Variants in CCDC33 observed in about 807,000 individuals in gnomAD.
The protein encoded by CCDC33 is coiled-coil domain-containing protein 33.
A neutral mutation model predicts 91.9 loss-of-function variants in CCDC33; 94 were observed. The ratio of observed to expected loss-of-function variants is 1.02; its 90% CI spans 0.87 to 1.21. The LOEUF (loss-of-function observed/expected upper bound fraction) is 1.21. Among genes scored for constraint, CCDC33 ranks in the 50% most tolerant of loss-of-function variants. The probability of loss-of-function intolerance (pLI) is 0.00; values close to 1 mark genes in which losing one functional copy is unlikely to be tolerated. For missense variants in CCDC33, 940 were observed against 935.5 expected, an observed-to-expected ratio of 1.00 and a Z score of -0.06; for synonymous variants, 396 against 374.5, an observed-to-expected ratio of 1.06 and a Z score of -0.66.
chr15:74,324,525 T>C (rs1301261141), intron 11 of CCDC33, among the ~76,000 whole-genome samples: 1 of 151,984 alleles, frequency 6.6e-6, no homozygotes, highest in Non-Finnish European at 1.5e-5. Context: ...GCCAGCCTGC[T>C]CTCGCCGCTT....
At chr15:74,330,882 T>C in intron 13 of CCDC33, 99 bp from the exon 14 acceptor site, 1 of 1,515,296 alleles carries the variant, frequency 6.6e-7, no homozygotes, top group East Asian at 2.3e-5. Context: ...GGGACCAGCC[T>C]GGTGGAGGAT....
rs756903419 is a variant in CCDC33, at chr15:74,266,752, C to T, written c.394C>T (p.Arg132Cys). The stretch of plus-strand genomic sequence containing the variant: ...CTACAAAATCCCCATCAAGTACCTG[C>T]GTGTCTTCCACCCCTACCACTTTGA... ...LSYKIPIKYL[R>C]VFHPYHFELV... Residue 132 changes from arginine to cysteine, a missense_variant, in exon 4 of 19, where the codon CGT becomes TGT. By Grantham distance (180) the Arg-to-Cys change is radical. Transcript: ENST00000398814. 6.8e-6 allele frequency: 11 copies of T among 1,613,968 alleles called. No individual in the cohort carries two copies. Among genetic ancestry groups the T allele is most frequent in the South Asian group, 3.3e-5 (3 of 91,088 alleles).
chr15:74,279,974 T>TG lies in CCDC33; in HGVS notation c.776dup (p.Pro260ThrfsTer91). The TG allele has an allele frequency of 6.2e-7, 1 of 1,614,012 alleles. No homozygotes were observed. Among genetic ancestry groups the TG allele is most frequent in the African/African-American group, 1.3e-5 (1 of 75,054 alleles). Reference sequence around the variant, plus strand: ...CCCTCTCCCTCCAGCTGTCCAAGCCTGGGGGACCCCCAGAGCAGCCCCTGT... The same window carrying TG: ...CCCTCTCCCTCCAGCTGTCCAAGCCTGGGGGGACCCCCAGAGCAGCCCCTGT... On this transcript the variant is annotated frameshift_variant, in exon 8 of 19. Transcript: ENST00000398814. LOFTEE classifies it high-confidence loss of function.
chr15:74,323,734 A>T (rs1451048796), intron 11 of CCDC33, among the ~76,000 whole-genome samples: 1 of 151,384 alleles, frequency 6.6e-6, no homozygotes, highest in Non-Finnish European at 1.5e-5. Flanking sequence ...TCACCATGTT[A>T]GTCAGGCTGG....
At chr15:74,208,881 C>T (rs750414148) in intron 1 of CCDC33, 1 of 989,646 alleles carries the variant, frequency 1.0e-6, no homozygotes, top group African/African-American at 1.7e-5. Context: ...ACTTGTCCCT[C>T]CAGGCAAGCA....
In CCDC33 at chr15:74,280,740, A is replaced by T. The variant is rs1045831800; in HGVS notation, c.962A>T (p.Tyr321Phe). The T allele has an allele frequency of 6.3e-7, 1 of 1,578,786 alleles. No homozygotes were observed. Residue 321 changes from tyrosine (Y) to phenylalanine (F), a missense_variant, in exon 9 of 19, where the codon TAC becomes TTC. Coordinates refer to ENST00000398814, the MANE Select transcript of CCDC33 (RefSeq NM_025055.5). Reference protein sequence around the residue: ...ISVLPLKSRLYQKMLTGKGLD... With the variant: ...ISVLPLKSRLFQKMLTGKGLD... Reference sequence around the variant, plus strand: ...GTGTTGCCGCTAAAGAGCCGTTTGTACCAGAAGATGCTGACAGGGAAAGGC... The same window carrying T: ...GTGTTGCCGCTAAAGAGCCGTTTGTTCCAGAAGATGCTGACAGGGAAAGGC...
intron 2 of CCDC33, among the ~76,000 whole-genome samples, chr15:74,224,886 A>G (rs867066114): frequency 3.4e-4 from 51 of 152,168 alleles, no homozygotes; most frequent in Admixed American, 7.2e-4. Flanking sequence ...CTTCTTGCCC[A>G]GCCAGTCTCC....
downstream of CCDC33, chr15:74,336,418 T>C: frequency 7.7e-7 from 1 of 1,304,960 alleles, no homozygotes; most frequent in Non-Finnish European, 1.0e-6. Flanking sequence ...CGAGGGAGGC[T>C]TGTCCTTTTC....
intron 7 of CCDC33, among the ~76,000 whole-genome samples, chr15:74,278,876 A>T (rs1021078470): frequency 1.3e-5 from 2 of 152,208 alleles, no homozygotes; most frequent in African/African-American, 4.8e-5. Context: ...CTAGGGTGCC[A>T]TCAAGTCCCC....
chr15:74,270,989 A>C (rs2076300047), intron 5 of CCDC33, among the ~76,000 whole-genome samples: 1 of 152,108 alleles, frequency 6.6e-6, no homozygotes, highest in Non-Finnish European at 1.5e-5. Context: ...CGGTCAGGGG[A>C]GTGACAACCG....
chr15:74,297,040 C>A (rs1257207728), intron 11 of CCDC33, among the ~76,000 whole-genome samples: 5 of 152,230 alleles, frequency 3.3e-5, no homozygotes, highest in African/African-American at 1.2e-4. Context: ...GCCTCCTCAT[C>A]TTCCCCTGGC....
At chr15:74,206,664 T>G (rs977194617) in intron 1 of CCDC33, among the ~76,000 whole-genome samples, 19 of 152,114 alleles carry the variant, frequency 1.2e-4, no homozygotes, top group African/African-American at 4.3e-4. Context: ...GGAGATGGCT[T>G]GGGCAGTCTT....
intron 11 of CCDC33, among the ~76,000 whole-genome samples, chr15:74,325,544 C>G (rs554716372): frequency 1.3e-5 from 2 of 152,100 alleles, no homozygotes; most frequent in South Asian, 4.2e-4. Context: ...GAGACCATCA[C>G]AAGCAGGGAC....
intron 11 of CCDC33, among the ~76,000 whole-genome samples, chr15:74,326,654 A>G (rs2060315906): frequency 6.6e-6 from 1 of 152,224 alleles, no homozygotes; most frequent in African/African-American, 2.4e-5. Context: ...CGCAGTGTCA[A>G]TGGGTGAGGA....
rs150325847 is a variant in CCDC33 at position 74,249,465 on chromosome 15, G to A, written c.185+5317G>A. Among the ~76,000 whole-genome samples the A allele has an allele frequency of 2.5e-4, 38 of 151,556 alleles. No individual in the cohort carries two copies. The East Asian group carries it at 7.2e-3, about 29-fold the overall frequency. Reference sequence around the variant, plus strand: ...ATCAAGCAACTGCACTCCAGCCTGGGTGACAGAGCGAGGCTCCGTCTAAAA... The same window carrying A: ...ATCAAGCAACTGCACTCCAGCCTGGATGACAGAGCGAGGCTCCGTCTAAAA... On this transcript the variant is annotated intron_variant, in intron 2 of 18. Coordinates refer to ENST00000398814, the MANE Select transcript of CCDC33 (RefSeq NM_025055.5).
chr15:74,207,913 G>A (rs1057204051), intron 1 of CCDC33: 18 of 1,480,132 alleles, frequency 1.2e-5, no homozygotes, highest in Middle Eastern at 2.4e-4. Flanking sequence ...CCGTGCTCAC[G>A]GCAGGAAGAG....
exon 1 of CCDC33, chr15:74,217,580 A>G: frequency 8.1e-7 from 1 of 1,231,892 alleles, no homozygotes; most frequent in South Asian, 1.4e-5. Flanking sequence ...CTTTGCCCAA[A>G]GGTATGAAGT....
At chr15:74,268,499 G>GGGT in intron 5 of CCDC33, 41 bp downstream of exon 5, 1 of 1,236,364 alleles carries the variant, frequency 8.1e-7, no homozygotes, top group Non-Finnish European at 1.2e-6. Context: ...GTGGGGGTGG[G>GGGT]AAAGGGCCAA....
At chr15:74,228,486 G>C (rs1361577331) in intron 2 of CCDC33, among the ~76,000 whole-genome samples, 2 of 152,240 alleles carry the variant, frequency 1.3e-5, no homozygotes, top group African/African-American at 4.8e-5. Flanking sequence ...GGACGGAAAA[G>C]CTTGAATAAA....
Sources: gnomAD v4.1 joint callset for allele counts (sites outside exome capture counted in the v4.1 genomes callset) on GRCh38, gnomAD v4.1.1 for gene constraint, MANE v1.5 for transcripts, NCBI Gene and HGNC (gene_info 2026-07-23, HGNC 2026-07-21) for gene names.